Variants in HTR1F observed in about 807,000 individuals in gnomAD.
The protein encoded by HTR1F is 5-hydroxytryptamine receptor 1F.
Under a neutral mutation model 24.0 loss-of-function variants are expected in HTR1F, and 17 were observed. The observed-to-expected ratio is 0.71, with a 90% CI of 0.48 to 1.06. The LOEUF (loss-of-function observed/expected upper bound fraction) is 1.06. Ranked by LOEUF, HTR1F falls within the 50% of genes least tolerant of loss-of-function variation. HTR1F has a pLI of 0.00. For missense variants in HTR1F, 391 were observed against 427.8 expected (o/e 0.91, Z 0.76); for synonymous variants, 186 against 156.8 (o/e 1.19, Z -1.39).
intron 2 of HTR1F, among the ~76,000 whole-genome samples, chr3:87,983,395 G>A (rs1166775187): frequency 6.6e-6 from 1 of 152,204 alleles, no homozygotes; most frequent in East Asian, 1.9e-4. Context: ...CACTGATACA[G>A]AAGAGTTATG....
At chr3:87,911,981 G>A (rs567147690) in intron 2 of HTR1F, among the ~76,000 whole-genome samples, 1 of 152,146 alleles carries the variant, frequency 6.6e-6, no homozygotes, top group African/African-American at 2.4e-5. Context: ...GGCAAAAGCT[G>A]GAAGCATTCC....
chr3:87,938,637 C>T (rs1559640758), intron 2 of HTR1F, among the ~76,000 whole-genome samples: 1 of 152,048 alleles, frequency 6.6e-6, no homozygotes. Flanking sequence ...TAAGGCTGCA[C>T]ACCTAAGACC....
intron 2 of HTR1F, among the ~76,000 whole-genome samples, chr3:87,945,974 C>T (rs1395584455): frequency 6.6e-6 from 1 of 152,086 alleles, no homozygotes; most frequent in Non-Finnish European, 1.5e-5. Context: ...GGGTTCTTGG[C>T]CTCACGGATT....
intron 2 of HTR1F, among the ~76,000 whole-genome samples, chr3:87,983,896 C>T (rs745978508): frequency 6.6e-6 from 1 of 152,190 alleles, no homozygotes; most frequent in African/African-American, 2.4e-5. Flanking sequence ...AGCAGCACTA[C>T]TCTCTTCAAG....
chr3:87,901,100 T>C (rs1186003482), intron 2 of HTR1F, among the ~76,000 whole-genome samples: 1 of 152,192 alleles, frequency 6.6e-6, no homozygotes, highest in African/African-American at 2.4e-5. Flanking sequence ...AATTATTTTA[T>C]AATAACACCA....
chr3:87,880,163 G>A (rs1235819094), intron 2 of HTR1F, among the ~76,000 whole-genome samples: 1 of 152,054 alleles, frequency 6.6e-6, no homozygotes, highest in Non-Finnish European at 1.5e-5. Flanking sequence ...TGATAGGCTG[G>A]GTGCAGGATA....
At chr3:87,897,055 TG>T (rs1255554667) in intron 2 of HTR1F, among the ~76,000 whole-genome samples, 3 of 152,046 alleles carry the variant, frequency 2.0e-5, no homozygotes, top group African/African-American at 7.2e-5. Context: ...ATCCCTCTTC[TG>T]GATATATATT....
At chr3:87,925,470 T>G (rs1196631704) in intron 2 of HTR1F, among the ~76,000 whole-genome samples, 2 of 152,138 alleles carry the variant, frequency 1.3e-5, no homozygotes, top group African/African-American at 4.8e-5. Context: ...TGGTCACATT[T>G]GTACCACTGA....
At chr3:87,919,537 T>A (rs1230470194) in intron 2 of HTR1F, among the ~76,000 whole-genome samples, 5 of 151,056 alleles carry the variant, frequency 3.3e-5, no homozygotes, top group Non-Finnish European at 7.4e-5. Context: ...GAAAAAAAAA[T>A]TCCATCAAAA....
intron 1 of HTR1F, among the ~76,000 whole-genome samples, chr3:87,796,387 C>T (rs992704653): frequency 8.6e-5 from 13 of 151,540 alleles, no homozygotes; most frequent in Admixed American, 1.3e-4. Flanking sequence ...GCAGGCATAA[C>T]GGGTAGATGG....
chr3:87,950,055 C>T (rs1011530950), intron 2 of HTR1F, among the ~76,000 whole-genome samples: 1 of 152,122 alleles, frequency 6.6e-6, no homozygotes, highest in Admixed American at 6.5e-5. Flanking sequence ...GAGGAGGAAC[C>T]AAACTTGAGG....
At chr3:87,812,655 C>A (rs1215442435) in intron 1 of HTR1F, among the ~76,000 whole-genome samples, 1 of 152,152 alleles carries the variant, frequency 6.6e-6, no homozygotes, top group East Asian at 1.9e-4. Flanking sequence ...GAAAATATCT[C>A]CATGTCAGAG....
intron 2 of HTR1F, among the ~76,000 whole-genome samples, chr3:87,846,377 C>T (rs56812001): frequency 0.028 from 4,182 of 151,812 alleles, 228 homozygotes; most frequent in African/African-American, 0.094. Flanking sequence ...GAGGTTGTTG[C>T]AGTGAGCCAA....
chr3:87,948,242 T>A (rs1455834800), intron 2 of HTR1F, among the ~76,000 whole-genome samples: 1 of 152,188 alleles, frequency 6.6e-6, no homozygotes, highest in Non-Finnish European at 1.5e-5. Context: ...TCCTAATTAA[T>A]TATTATAATA....
chr3:87,827,756 A>G (rs941756549), intron 2 of HTR1F, among the ~76,000 whole-genome samples: 1 of 152,236 alleles, frequency 6.6e-6, no homozygotes, highest in Non-Finnish European at 1.5e-5. Flanking sequence ...GCCAAAAAAC[A>G]TAGCCCTATC....
intron 2 of HTR1F, among the ~76,000 whole-genome samples, chr3:87,830,678 CTT>C (rs1339771899): frequency 6.6e-6 from 1 of 152,028 alleles, no homozygotes; most frequent in Non-Finnish European, 1.5e-5. Flanking sequence ...CTCACTGAAT[CTT>C]TATATTTTTA....
At chr3:87,843,819 T>C (rs1277147017) in intron 2 of HTR1F, among the ~76,000 whole-genome samples, 1 of 151,722 alleles carries the variant, frequency 6.6e-6, no homozygotes, top group Non-Finnish European at 1.5e-5. Flanking sequence ...AGAATGATGG[T>C]TTCCAATTTC....
At chr3:87,960,487 G>A (rs1165370998) in intron 2 of HTR1F, among the ~76,000 whole-genome samples, 2 of 151,958 alleles carry the variant, frequency 1.3e-5, no homozygotes, top group African/African-American at 4.8e-5. Context: ...AGTAGGGAAA[G>A]AATATGGGTT....
At position 87,894,937 on chromosome 3, in the gene HTR1F, G is replaced by C. The variant is rs550387107; in HGVS notation, c.-43+72813G>C. Among the ~76,000 whole-genome samples the C allele has an allele frequency of 2.0e-5, 3 of 152,234 alleles. No homozygotes were observed. The South Asian group carries it at 6.2e-4, about 32-fold the overall frequency. On this transcript the variant is annotated intron_variant, in intron 2 of 2. Coordinates refer to ENST00000319595, the MANE Select transcript of HTR1F (RefSeq NM_001322209.2). Reference sequence around the variant, plus strand: ...ATAGTGTATACAGCACTGTTAGCGTGACGCCTGGCTCATGATTAAGGCTTA... The same window carrying C: ...ATAGTGTATACAGCACTGTTAGCGTCACGCCTGGCTCATGATTAAGGCTTA...
Sources: gnomAD v4.1 joint callset for allele counts (sites outside exome capture counted in the v4.1 genomes callset) on GRCh38, gnomAD v4.1.1 for gene constraint, MANE v1.5 for transcripts, NCBI Gene and HGNC (gene_info 2026-07-23, HGNC 2026-07-21) for gene names.